Variants in GPC5 observed in about 807,000 individuals in gnomAD.
GPC5 encodes glypican-5.
Under a neutral mutation model 53.9 loss-of-function variants are expected in GPC5, and 47 were observed. The ratio of observed to expected loss-of-function variants is 0.87; its 90% CI spans 0.69 to 1.11. The LOEUF (loss-of-function observed/expected upper bound fraction) is 1.11, where lower values mean the gene tolerates loss of function less well. GPC5 is among the 50% of genes most tolerant of loss of function. The pLI is 0.00. For synonymous variants in GPC5, 286 were observed against 263.3 expected (o/e 1.09, Z -0.84); for missense variants, 748 against 713.1 (o/e 1.05, Z -0.56).
intron 7 of GPC5, among the ~76,000 whole-genome samples, chr13:92,650,225 C>T (rs1885908667): frequency 6.6e-6 from 1 of 151,978 alleles, no homozygotes; most frequent in South Asian, 2.1e-4. Context: ...TTTTTCAAAA[C>T]CTATAGCATT....
intron 7 of GPC5, among the ~76,000 whole-genome samples, chr13:92,255,154 G>A (rs2042718578): frequency 6.6e-6 from 1 of 152,110 alleles, no homozygotes. Context: ...CACGGATTTT[G>A]ATATTCTTGG....
Position 92,065,152 on chromosome 13 carries a change from A to G in GPC5, c.1402-79678A>G, listed in dbSNP as rs149891709. 6.6e-5 allele frequency among the ~76,000 whole-genome samples: 10 copies of G among 152,300 alleles called. No homozygotes were observed. In the East Asian group the frequency reaches 1.9e-3, roughly 29 times the overall value. ...CTTTGATATGTGGCTGGGATCATTCACTTTTGCTCTACTTTTTAAAAATGT... is the reference window on the plus strand; with the variant it reads ...CTTTGATATGTGGCTGGGATCATTCGCTTTTGCTCTACTTTTTAAAAATGT... On this transcript the variant is annotated intron_variant, in intron 6 of 7. Transcript: ENST00000377067.
intron 7 of GPC5, among the ~76,000 whole-genome samples, chr13:92,255,320 C>T (rs137955620): frequency 2.0e-4 from 31 of 152,232 alleles, no homozygotes; most frequent in African/African-American, 7.2e-4. Flanking sequence ...AAGAGCTAAA[C>T]ATGCTTTCTG....
chr13:92,656,548 T>C (rs1195666768), intron 7 of GPC5, among the ~76,000 whole-genome samples: 3 of 152,140 alleles, frequency 2.0e-5, no homozygotes, highest in African/African-American at 7.2e-5. Flanking sequence ...AGGAAACAGA[T>C]TTTCTGTTAT....
intron 2 of GPC5, among the ~76,000 whole-genome samples, chr13:91,449,254 A>G (rs1171416951): frequency 6.6e-6 from 1 of 152,148 alleles, no homozygotes; most frequent in Non-Finnish European, 1.5e-5. Flanking sequence ...ATTAGATTTC[A>G]TGGAAAAGTT....
At chr13:91,644,140 T>C (rs948864630) in intron 2 of GPC5, among the ~76,000 whole-genome samples, 1 of 152,200 alleles carries the variant, frequency 6.6e-6, no homozygotes, top group South Asian at 2.1e-4. Context: ...AGATTATGTA[T>C]GTGGCTCACA....
chr13:92,239,443 T>C lies in GPC5; in HGVS notation c.1561+94454T>C, dbSNP rs138664049. Among the ~76,000 whole-genome samples, 66 of 152,162 alleles carry C rather than the reference T, an allele frequency of 4.3e-4. No homozygotes were observed. The East Asian group carries it at 8.9e-3, about 20-fold the overall frequency. On this transcript the variant is annotated intron_variant, in intron 7 of 7. Coordinates refer to ENST00000377067, the MANE Select transcript of GPC5 (RefSeq NM_004466.6). Reference sequence around the variant, plus strand: ...CCGCACAATTCTTATAACTTATTCCTATTTATTGTTATTAAACCATCCATA... The same window carrying C: ...CCGCACAATTCTTATAACTTATTCCCATTTATTGTTATTAAACCATCCATA...
rs144195261 is a variant in GPC5, at chr13:91,610,842, G to A, written c.326-82345G>A. ...AGGTTGTTATGTTAGACATGTTCTT[G>A]CCAGTAGAGAGTTTTACATTTGGAG... On this transcript the variant is annotated intron_variant, in intron 2 of 7. Transcript: ENST00000377067. Among the ~76,000 whole-genome samples, 7 of 152,256 alleles carry A rather than the reference G, an allele frequency of 4.6e-5. No homozygotes were observed. In the East Asian group the frequency reaches 1.2e-3, roughly 25 times the overall value.
At chr13:92,539,010 T>C (rs1321847383) in intron 7 of GPC5, among the ~76,000 whole-genome samples, 1 of 136,162 alleles carries the variant, frequency 7.3e-6, no homozygotes. Flanking sequence ...TTTATATATT[T>C]TATATATATT....
chr13:92,676,510 C>T (rs60912456), intron 7 of GPC5, among the ~76,000 whole-genome samples: 5,342 of 152,056 alleles, frequency 0.035, 384 homozygotes, highest in East Asian at 0.29. Flanking sequence ...TAAAGAAACA[C>T]GCAAAATTAG....
At chr13:92,755,012 A>T (rs1345550589) in intron 7 of GPC5, among the ~76,000 whole-genome samples, 1 of 152,124 alleles carries the variant, frequency 6.6e-6, no homozygotes, top group Non-Finnish European at 1.5e-5. Context: ...TCCACCCCAA[A>T]TCAACAGAAT....
chr13:92,800,776 AC>A (rs933242597), intron 7 of GPC5, among the ~76,000 whole-genome samples: 30 of 151,848 alleles, frequency 2.0e-4, no homozygotes, highest in African/African-American at 7.0e-4. Context: ...TAAGGGATTA[AC>A]TTTTGATATT....
chr13:92,210,244 A>G (rs752447893), intron 7 of GPC5, among the ~76,000 whole-genome samples: 123 of 152,142 alleles, frequency 8.1e-4, no homozygotes, highest in Non-Finnish European at 1.5e-3. Context: ...ATGAGACCCT[A>G]TTTTAATTGA....
chr13:92,365,364 A>T (rs1044934356), intron 7 of GPC5, among the ~76,000 whole-genome samples: 1 of 151,790 alleles, frequency 6.6e-6, no homozygotes, highest in African/African-American at 2.4e-5. Context: ...GGCATTTACC[A>T]TGAATGGAGC....
At chr13:91,680,818 C>G (rs958439005) in intron 2 of GPC5, among the ~76,000 whole-genome samples, 1 of 152,016 alleles carries the variant, frequency 6.6e-6, no homozygotes, top group Admixed American at 6.6e-5. Flanking sequence ...GAATATAGCT[C>G]TTTTCTATTA....
chr13:91,705,884 T>TTG (rs2036091628), intron 3 of GPC5, among the ~76,000 whole-genome samples: 1 of 87,504 alleles, frequency 1.1e-5, no homozygotes, highest in Admixed American at 1.0e-4. Context: ...CTTTCTTTTC[T>TTG]TTTTTTTTTT....
intron 5 of GPC5, among the ~76,000 whole-genome samples, chr13:91,786,618 AT>A (rs1594563190): frequency 1.3e-5 from 2 of 152,170 alleles, no homozygotes; most frequent in East Asian, 3.9e-4. Context: ...TGATTTAAGA[AT>A]TTTTACCATA....
At chr13:92,606,999 C>T (rs1433549500) in intron 7 of GPC5, among the ~76,000 whole-genome samples, 2 of 151,950 alleles carry the variant, frequency 1.3e-5, no homozygotes, top group African/African-American at 4.8e-5. Context: ...GAATTTCTGT[C>T]AAATCTTAAG....
chr13:92,386,222 A>C (rs537448428), intron 7 of GPC5, among the ~76,000 whole-genome samples: 1 of 152,176 alleles, frequency 6.6e-6, no homozygotes, highest in South Asian at 2.1e-4. Flanking sequence ...TGTGAGCTTC[A>C]GGCAATTTGC....
Sources: allele counts gnomAD v4.1 joint callset (sites outside exome capture counted in the v4.1 genomes callset), GRCh38; gene constraint gnomAD v4.1.1; transcripts MANE v1.5; gene names NCBI Gene and HGNC (gene_info 2026-07-23, HGNC 2026-07-21).